The following ITPRID1 variants were observed in gnomAD, a reference collection of about 807,000 sequenced individuals.
ITPRID1 encodes the protein protein ITPRID1.
A neutral mutation model predicts 95.4 loss-of-function variants in ITPRID1; 96 were observed. The ratio of observed to expected loss-of-function variants is 1.01; its 90% CI spans 0.85 to 1.19. The LOEUF is 1.19. Among genes scored for constraint, ITPRID1 ranks in the 50% most tolerant of loss-of-function variants. ITPRID1 has a pLI of 0.00. For synonymous variants in ITPRID1, 510 were observed against 453.6 expected, an observed-to-expected ratio of 1.12 and a Z score of -1.58; for missense variants, 1,339 against 1,252.9, an observed-to-expected ratio of 1.07 and a Z score of -1.04.
intron 10 of ITPRID1, among the ~76,000 whole-genome samples, chr7:31,597,210 G>T (rs1786125961): frequency 6.6e-6 from 1 of 151,830 alleles, no homozygotes; most frequent in Non-Finnish European, 1.5e-5. Context: ...TAAAATCTCA[G>T]AAAAAATTCC....
In ITPRID1 at chr7:31,577,899, C is replaced by T; in HGVS notation, c.635C>T (p.Thr212Ile). Residue 212 changes from threonine to isoleucine, a missense_variant, in exon 9 of 15, where the codon ACC (threonine) becomes ATC (isoleucine). Physicochemically the swap from Thr to Ile is moderately conservative, Grantham distance 89. Coordinates refer to ENST00000615280, the MANE Select transcript of ITPRID1 (RefSeq NM_001257967.3). ...FRQLEILDHVTNAFSSLLSDV... is the reference protein window; with the variant it reads ...FRQLEILDHVINAFSSLLSDV... Reference sequence around the variant, plus strand: ...CAGCTGGAAATCCTGGACCATGTGACCAATGCCTTCTCATCTCTGCTGAGT... The same window carrying T: ...CAGCTGGAAATCCTGGACCATGTGATCAATGCCTTCTCATCTCTGCTGAGT... 1 of 1,611,192 alleles carries T rather than the reference C, an allele frequency of 6.2e-7. No individual in the cohort carries two copies.
Position 31,656,323 on chromosome 7 carries a change from T to G in ITPRID1, c.*3494T>G. 1 of 209,090 alleles carries G rather than the reference T, an allele frequency of 4.8e-6. No individual in the cohort carries two copies. Among genetic ancestry groups the G allele is most frequent in the Non-Finnish European group, 8.3e-6 (1 of 120,112 alleles). The allele number at this position is 209,090 out of a possible 1,614,324, so 13.0% of individuals were successfully genotyped here. On this transcript the variant is annotated 3_prime_UTR_variant, in exon 15 of 15. Coordinates refer to ENST00000615280, the MANE Select transcript of ITPRID1 (RefSeq NM_001257967.3). ...TGTGACCTCGGGCACTTGCTCTCTT[T>G]ACCCTAGTTTCTTCCTCTGTAAAAT... is the stretch of plus-strand genomic sequence containing the variant.
At chr7:31,628,386 A>G (rs981199342) in intron 10 of ITPRID1, among the ~76,000 whole-genome samples, 1 of 152,052 alleles carries the variant, frequency 6.6e-6, no homozygotes, top group Non-Finnish European at 1.5e-5. Context: ...ACTCTGATGG[A>G]GCCAGGAATC....
chr7:31,555,044 T>C (rs1784403060), intron 5 of ITPRID1, 143 bp downstream of exon 5: 1 of 647,960 alleles, frequency 1.5e-6, no homozygotes, highest in East Asian at 2.9e-5. Context: ...GCTCAATCTC[T>C]TCATTTGACA....
At chr7:31,533,979 A>G (rs1304849101) in intron 1 of ITPRID1, among the ~76,000 whole-genome samples, 1 of 152,146 alleles carries the variant, frequency 6.6e-6, no homozygotes, top group African/African-American at 2.4e-5. Context: ...AGCAAGCATT[A>G]TTGCCTGGGC....
intron 1 of ITPRID1, chr7:31,529,774 A>G (rs561605922): frequency 6.5e-7 from 1 of 1,535,344 alleles, no homozygotes; most frequent in Non-Finnish European, 8.7e-7. Context: ...CTTTGATGCC[A>G]ACTACAGCAA....
At chr7:31,610,400 C>G (rs1012072779) in intron 10 of ITPRID1, among the ~76,000 whole-genome samples, 1 of 151,692 alleles carries the variant, frequency 6.6e-6, no homozygotes, top group Non-Finnish European at 1.5e-5. Flanking sequence ...TGACATGTAA[C>G]ACATAGTATA....
chr7:31,616,856 CTT>C (rs1462191607), intron 10 of ITPRID1, among the ~76,000 whole-genome samples: 1 of 151,360 alleles, frequency 6.6e-6, no homozygotes, highest in Admixed American at 6.6e-5. Flanking sequence ...CCAAACCTCT[CTT>C]AACAGATACC....
intron 11 of ITPRID1, 143 bp from the exon 12 acceptor site, chr7:31,642,539 A>C (rs1041609567): frequency 1.3e-6 from 1 of 748,170 alleles, no homozygotes; most frequent in Non-Finnish European, 2.1e-6. Flanking sequence ...GGACCTTGGT[A>C]AAGAGGTAAA....
At chr7:31,599,589 CTTTCTTTCTT>C (rs1232656465) in intron 10 of ITPRID1, among the ~76,000 whole-genome samples, 1 of 40,786 alleles carries the variant, frequency 2.5e-5, no homozygotes, top group African/African-American at 8.5e-5. Flanking sequence ...GTGTTATTTT[CTTTCTTTCTT>C]TCTTTCTTTC....
chr7:31,621,576 A>C (rs1562620202), intron 10 of ITPRID1, among the ~76,000 whole-genome samples: 2 of 148,532 alleles, frequency 1.3e-5, no homozygotes, highest in Non-Finnish European at 3.0e-5. Context: ...TGTCACCACC[A>C]GGCCTGCCCT....
At position 31,583,175 on chromosome 7, in the gene ITPRID1, G is replaced by T; in HGVS notation, c.1212G>T (p.Met404Ile). ...AAGAGACTGGTAATCCTCTTGACAT[G>T]ACTTCAGGAACTGTAGGTAAGAATT... Reference protein sequence around the residue: ...FEEETGNPLDMTSGTVGARVD... With the variant: ...FEEETGNPLDITSGTVGARVD... Residue 404 changes from methionine (M) to isoleucine (I), a missense_variant, in exon 10 of 15, where the codon ATG becomes ATT. Met to Ile is a conservative substitution (Grantham distance 10, BLOSUM62 1). Transcript: ENST00000615280. 1 of 1,611,034 alleles carries T rather than the reference G, an allele frequency of 6.2e-7. No homozygotes were observed. Among genetic ancestry groups the T allele is most frequent in the South Asian group, 1.1e-5 (1 of 90,798 alleles).
intron 10 of ITPRID1, among the ~76,000 whole-genome samples, chr7:31,607,874 A>G (rs1786694180): frequency 6.6e-6 from 1 of 151,848 alleles, no homozygotes; most frequent in Non-Finnish European, 1.5e-5. Context: ...CCAGCACTTT[A>G]ATTAAATTTA....
At chr7:31,593,731 A>G (rs1295439924) in intron 10 of ITPRID1, among the ~76,000 whole-genome samples, 4 of 152,200 alleles carry the variant, frequency 2.6e-5, no homozygotes, top group African/African-American at 9.6e-5. Context: ...CTGCCAATAG[A>G]TTCAAATGTA....
chr7:31,567,565 T>G (rs926680511), intron 5 of ITPRID1, among the ~76,000 whole-genome samples: 27 of 149,132 alleles, frequency 1.8e-4, no homozygotes, highest in Non-Finnish European at 7.4e-5. Flanking sequence ...TCGATTCTAT[T>G]TCTCACCCCG....
chr7:31,530,462 A>G (rs1783559997), intron 1 of ITPRID1, among the ~76,000 whole-genome samples: 1 of 152,204 alleles, frequency 6.6e-6, no homozygotes, highest in Admixed American at 6.5e-5. Context: ...TTTTAGATCA[A>G]TAGCGTATCT....
At chr7:31,522,637 C>T (rs1369452931) in intron 1 of ITPRID1, among the ~76,000 whole-genome samples, 2 of 152,178 alleles carry the variant, frequency 1.3e-5, no homozygotes, top group Non-Finnish European at 2.9e-5. Context: ...CTCCTGTTTG[C>T]TTATGATCTG....
At chr7:31,566,804 G>A (rs1784816752) in intron 5 of ITPRID1, among the ~76,000 whole-genome samples, 1 of 152,094 alleles carries the variant, frequency 6.6e-6, no homozygotes, top group South Asian at 2.1e-4. Context: ...CGTTTCAGAA[G>A]CTCTGAGATG....
chr7:31,580,977 G>A (rs775764382), intron 9 of ITPRID1, among the ~76,000 whole-genome samples: 1 of 152,156 alleles, frequency 6.6e-6, no homozygotes, highest in Non-Finnish European at 1.5e-5. Context: ...TCTCACTGGG[G>A]AAAAAATATT....
Sources: gnomAD v4.1 joint callset for allele counts (sites outside exome capture counted in the v4.1 genomes callset) on GRCh38, gnomAD v4.1.1 for gene constraint, MANE v1.5 for transcripts, NCBI Gene and HGNC (gene_info 2026-07-23, HGNC 2026-07-21) for gene names.